The following GLG1 variants were observed in gnomAD, a reference collection of about 807,000 sequenced individuals.
The protein encoded by GLG1 is Golgi apparatus protein 1.
A neutral mutation model predicts 160.5 loss-of-function variants in GLG1; 38 were observed. The ratio of observed to expected loss-of-function variants is 0.24; its 90% CI spans 0.18 to 0.31. GLG1 has a LOEUF of 0.31. Among genes scored for constraint, GLG1 ranks in the 10% least tolerant of loss-of-function variants. The pLI, the probability that GLG1 is intolerant of heterozygous loss-of-function variation, is 1.00. For missense variants in GLG1, 1,373 were observed against 1,505.2 expected (o/e 0.91, Z 1.45); for synonymous variants, 644 against 543.4 (o/e 1.19, Z -2.57).
In GLG1 at chr16:74,532,577, G is replaced by A. The variant is rs188392817; in HGVS notation, c.439-424C>T. Among the ~76,000 whole-genome samples, 1,463 of 151,932 alleles carry A rather than the reference G, an allele frequency of 9.6e-3. 28 individuals are homozygous for A. The highest frequency in any genetic ancestry group is 0.075 in the East Asian group (385 of 5,162). On this transcript the variant is annotated intron_variant, in intron 1 of 25. Coordinates refer to ENST00000422840, the MANE Select transcript of GLG1 (RefSeq NM_001145667.2). The stretch of plus-strand genomic sequence containing the variant: ...CTCACTCTGTCACCCAGGCTGCCAT[G>A]CAGTGGCGCAATCATGGCTCATGGC...
At chr16:74,569,979 T>C (rs2018780960) in intron 1 of GLG1, among the ~76,000 whole-genome samples, 1 of 151,202 alleles carries the variant, frequency 6.6e-6, no homozygotes, top group Admixed American at 6.6e-5. Context: ...GCCCAGGAGT[T>C]TGAGACCAGT....
chr16:74,538,520 G>T (rs2017746340), intron 1 of GLG1, among the ~76,000 whole-genome samples: 1 of 152,038 alleles, frequency 6.6e-6, no homozygotes, highest in African/African-American at 2.4e-5. Flanking sequence ...CCTTATTCTG[G>T]CTCTATCAGA....
intron 1 of GLG1, among the ~76,000 whole-genome samples, chr16:74,573,940 C>T (rs1234730284): frequency 1.3e-5 from 2 of 152,000 alleles, no homozygotes; most frequent in African/African-American, 4.8e-5. Flanking sequence ...ATTACAGGCG[C>T]ACACCACTAC....
intron 1 of GLG1, among the ~76,000 whole-genome samples, chr16:74,591,581 T>C (rs1190977681): frequency 6.6e-6 from 1 of 151,904 alleles, no homozygotes; most frequent in Non-Finnish European, 1.5e-5. Flanking sequence ...TGAGCCGAAA[T>C]CGCACCACTG....
At chr16:74,600,604 T>C (rs2143909739) in intron 1 of GLG1, among the ~76,000 whole-genome samples, 1 of 151,410 alleles carries the variant, frequency 6.6e-6, no homozygotes, top group Non-Finnish European at 1.5e-5. Context: ...TGGTAGCGCA[T>C]GTCTGCAGTC....
intron 5 of GLG1, 52 bp from the exon 6 acceptor site, chr16:74,494,883 G>C: frequency 1.1e-6 from 1 of 882,104 alleles, no homozygotes; most frequent in Non-Finnish European, 1.9e-6. Flanking sequence ...TAGTTATGCT[G>C]AACATTATCC....
intron 1 of GLG1, among the ~76,000 whole-genome samples, chr16:74,551,170 C>T (rs1309107740): frequency 2.6e-5 from 4 of 152,058 alleles, no homozygotes; most frequent in Non-Finnish European, 5.9e-5. Flanking sequence ...TAGCCTTTCC[C>T]GTAAGTCTGC....
At chr16:74,595,049 G>A (rs1027486841) in intron 1 of GLG1, among the ~76,000 whole-genome samples, 4 of 151,798 alleles carry the variant, frequency 2.6e-5, no homozygotes, top group Non-Finnish European at 4.4e-5. Flanking sequence ...TTAGCTCGGC[G>A]TGGTGGCAGA....
intron 25 of GLG1, among the ~76,000 whole-genome samples, chr16:74,454,378 A>AT (rs928289350): frequency 6.0e-5 from 9 of 150,196 alleles, no homozygotes; most frequent in Admixed American, 1.3e-4. Flanking sequence ...TAATTAAAAA[A>AT]TTTTTTTTGG....
chr16:74,533,912 T>C (rs1446153506), intron 1 of GLG1, among the ~76,000 whole-genome samples: 1 of 152,218 alleles, frequency 6.6e-6, no homozygotes, highest in African/African-American at 2.4e-5. Context: ...AATAAACAGA[T>C]GTTTTCTATC....
chr16:74,571,884 T>C (rs986321885), intron 1 of GLG1, among the ~76,000 whole-genome samples: 2 of 150,884 alleles, frequency 1.3e-5, no homozygotes, highest in Admixed American at 6.6e-5. Flanking sequence ...GCAAAAGAAG[T>C]TTGGGGTGGT....
chr16:74,537,491 T>G (rs1028765505), intron 1 of GLG1, among the ~76,000 whole-genome samples: 5 of 147,918 alleles, frequency 3.4e-5, no homozygotes, highest in Non-Finnish European at 6.0e-5. Flanking sequence ...CAACAGGCTT[T>G]GAACTAGAGT....
chr16:74,490,873 T>C (rs906641306), intron 8 of GLG1, 128 bp downstream of exon 8: 10 of 663,582 alleles, frequency 1.5e-5, no homozygotes, highest in Non-Finnish European at 2.7e-5. Context: ...CAGTCTCTGA[T>C]CATTAGTACC....
intron 3 of GLG1, among the ~76,000 whole-genome samples, chr16:74,505,669 A>G (rs912250615): frequency 6.6e-6 from 1 of 152,228 alleles, no homozygotes; most frequent in Non-Finnish European, 1.5e-5. Context: ...AGCCTGGGCA[A>G]CACGGTGAAA....
intron 1 of GLG1, among the ~76,000 whole-genome samples, chr16:74,595,894 C>A (rs1246106481): frequency 6.6e-6 from 1 of 152,110 alleles, no homozygotes; most frequent in African/African-American, 2.4e-5. Flanking sequence ...GAGGCCAAGG[C>A]GGGTGGATCA....
At chr16:74,533,767 C>T (rs1049684004) in intron 1 of GLG1, among the ~76,000 whole-genome samples, 2 of 152,016 alleles carry the variant, frequency 1.3e-5, no homozygotes, top group African/African-American at 4.8e-5. Flanking sequence ...GGCAACAGAG[C>T]GAGATTCCAT....
intron 2 of GLG1, among the ~76,000 whole-genome samples, chr16:74,528,811 CAAAAAAAAAA>C (rs35777516): frequency 5.4e-4 from 34 of 62,808 alleles, no homozygotes; most frequent in Middle Eastern, 0.013. Flanking sequence ...GATTCTGTCT[CAAAAAAAAAA>C]AAAAAAAAAA....
At chr16:74,545,487 C>G (rs1193311556) in intron 1 of GLG1, among the ~76,000 whole-genome samples, 1 of 152,188 alleles carries the variant, frequency 6.6e-6, no homozygotes, top group East Asian at 1.9e-4. Flanking sequence ...CTGACCCACT[C>G]CACCAAGTTT....
intron 8 of GLG1, among the ~76,000 whole-genome samples, chr16:74,489,531 T>TC (rs2015909048): frequency 6.6e-6 from 1 of 151,972 alleles, no homozygotes; most frequent in African/African-American, 2.4e-5. Flanking sequence ...CTGTGCTGCT[T>TC]TAAGGATGAA....
Sources: gnomAD v4.1 joint callset for allele counts (sites outside exome capture counted in the v4.1 genomes callset) on GRCh38, gnomAD v4.1.1 for gene constraint, MANE v1.5 for transcripts, NCBI Gene and HGNC (gene_info 2026-07-23, HGNC 2026-07-21) for gene names.